The following RSF1 variants were observed in gnomAD, a reference collection of about 807,000 sequenced individuals.
RSF1 encodes the protein HBV pX-associated protein 8.
Under a neutral mutation model 145.2 loss-of-function variants are expected in RSF1, and 13 were observed. The ratio of observed to expected loss-of-function variants is 0.09; its 90% CI spans 0.06 to 0.14. The LOEUF is 0.14. RSF1 is among the 10% of genes least tolerant of loss of function. The pLI is 1.00. For synonymous variants in RSF1, 577 were observed against 592.6 expected (o/e 0.97, Z 0.38); for missense variants, 1,517 against 1,718.2 (o/e 0.88, Z 2.07).
At chr11:77,789,796 C>T (rs928617498) in intron 1 of RSF1, among the ~76,000 whole-genome samples, 13 of 152,220 alleles carry the variant, frequency 8.5e-5, no homozygotes, top group African/African-American at 3.1e-4. Flanking sequence ...GCTTCACCCC[C>T]ATTCACACCA....
intron 5 of RSF1, among the ~76,000 whole-genome samples, chr11:77,705,334 C>G (rs1488359178): frequency 6.6e-6 from 1 of 152,186 alleles, no homozygotes; most frequent in African/African-American, 2.4e-5. Context: ...CATCACATTT[C>G]TTCACAAATG....
chr11:77,863,614 C>A, the RSF1 span, among the ~76,000 whole-genome samples: 1 of 152,180 alleles, frequency 6.6e-6, no homozygotes, highest in Non-Finnish European at 1.5e-5. Flanking sequence ...GTCTTGAACT[C>A]CTGGCCTCAA....
chr11:77,799,428 G>A (rs957693514), intron 1 of RSF1, among the ~76,000 whole-genome samples: 1 of 151,416 alleles, frequency 6.6e-6, no homozygotes, highest in Non-Finnish European at 1.5e-5. Flanking sequence ...CTTGAGATCA[G>A]GAGAGGTCGA....
Position 77,672,023 on chromosome 11 carries a change from T to C in RSF1, c.3751+19A>G, listed in dbSNP as rs1289785646. 2 of 1,597,238 alleles carry C rather than the reference T, an allele frequency of 1.3e-6. No homozygotes were observed. The highest frequency in any genetic ancestry group is 1.8e-5 in the Admixed American group (1 of 56,022). ...TTTGCCCTGTCCAAACTTCTATATA[T>C]AGGAGACCTATGCCTTACCTTCACT... On this transcript the variant is annotated intron_variant, in intron 15 of 15. Coordinates refer to ENST00000308488, the MANE Select transcript of RSF1 (RefSeq NM_016578.4).
At chr11:77,695,663 AG>A (rs2135845883) in intron 7 of RSF1, among the ~76,000 whole-genome samples, 1 of 152,132 alleles carries the variant, frequency 6.6e-6, no homozygotes, top group South Asian at 2.1e-4. Flanking sequence ...CCCAAGCCTT[AG>A]AACCAACCAT....
upstream of RSF1, chr11:77,821,035 G>A: frequency 6.2e-6 from 3 of 482,294 alleles, no homozygotes; most frequent in South Asian, 3.7e-5. Context: ...GGGGCGGGGA[G>A]GCGGGCTGGA....
At chr11:77,726,135 C>A (rs916220469) in intron 4 of RSF1, among the ~76,000 whole-genome samples, 1 of 152,162 alleles carries the variant, frequency 6.6e-6, no homozygotes, top group African/African-American at 2.4e-5. Context: ...GCATTTGACA[C>A]TGCTACAAAA....
At chr11:77,868,253 C>T in the RSF1 span, among the ~76,000 whole-genome samples, 1 of 151,234 alleles carries the variant, frequency 6.6e-6, no homozygotes, top group Non-Finnish European at 1.5e-5. Flanking sequence ...GACGGGGTTT[C>T]ACCGTGTTAG....
chr11:77,722,022 T>A (rs931152199), intron 5 of RSF1, among the ~76,000 whole-genome samples: 1 of 151,800 alleles, frequency 6.6e-6, no homozygotes, highest in African/African-American at 2.4e-5. Context: ...AATTAAAAAT[T>A]AAAAAACATT....
chr11:77,741,673 A>T (rs1947940494), intron 3 of RSF1, among the ~76,000 whole-genome samples: 1 of 152,218 alleles, frequency 6.6e-6, no homozygotes, highest in Non-Finnish European at 1.5e-5. Context: ...GCTAATAAAC[A>T]CATCTACTAC....
chr11:77,762,383 C>T (rs2135936299), intron 2 of RSF1: 1 of 152,310 alleles, frequency 6.6e-6, no homozygotes, highest in East Asian at 1.9e-4. Context: ...ATTTTACCTT[C>T]CAAATAGCTC....
chr11:77,802,407 A>C (rs1948634820), intron 1 of RSF1, among the ~76,000 whole-genome samples: 1 of 152,180 alleles, frequency 6.6e-6, no homozygotes, highest in African/African-American at 2.4e-5. Context: ...AATCAAATTA[A>C]ATTTTAATAC....
In RSF1 at chr11:77,666,725, T is replaced by G. The variant is rs1274989339; in HGVS notation, c.*192A>C. On this transcript the variant is annotated 3_prime_UTR_variant, in exon 16 of 16. Coordinates refer to ENST00000308488, the MANE Select transcript of RSF1 (RefSeq NM_016578.4). Reference sequence around the variant, plus strand: ...TGGAAAAAGAAAATCAAAAGGAATTTACAGCAATTATTTATCTTCAAAGTT... The same window carrying G: ...TGGAAAAAGAAAATCAAAAGGAATTGACAGCAATTATTTATCTTCAAAGTT... 2.4e-6 allele frequency: 1 copy of G among 412,214 alleles called. No homozygotes were observed. The highest frequency in any genetic ancestry group is 2.0e-5 in the African/African-American group (1 of 48,962). The allele number at this position is 412,214 out of a possible 1,614,324, so 25.5% of individuals were successfully genotyped here.
At chr11:77,791,658 C>T (rs1226814772) in intron 1 of RSF1, among the ~76,000 whole-genome samples, 1 of 152,136 alleles carries the variant, frequency 6.6e-6, no homozygotes, top group Non-Finnish European at 1.5e-5. Context: ...AATCATTTCT[C>T]TAAAGTTCAA....
intron 1 of RSF1, among the ~76,000 whole-genome samples, chr11:77,812,114 G>A (rs1016702106): frequency 6.6e-6 from 1 of 152,132 alleles, no homozygotes; most frequent in African/African-American, 2.4e-5. Flanking sequence ...GGGAGGTAGA[G>A]GTTGCAGTCA....
chr11:77,861,653 A>C, the RSF1 span, among the ~76,000 whole-genome samples: 1 of 152,146 alleles, frequency 6.6e-6, no homozygotes, highest in Non-Finnish European at 1.5e-5. Flanking sequence ...GCTTATTTCT[A>C]TGTGGACAAT....
At chr11:77,785,291 A>G (rs886957357) in intron 1 of RSF1, among the ~76,000 whole-genome samples, 2 of 152,208 alleles carry the variant, frequency 1.3e-5, no homozygotes, top group Non-Finnish European at 2.9e-5. Flanking sequence ...AGAATTCTCA[A>G]TTTTTAAAGC....
the RSF1 span, chr11:77,850,884 T>G: frequency 6.6e-6 from 1 of 151,750 alleles, no homozygotes; most frequent in Non-Finnish European, 1.5e-5. Flanking sequence ...CCTAAGGACA[T>G]GAATATTCTC....
chr11:77,868,737 A>G, the RSF1 span: 3 of 230,300 alleles, frequency 1.3e-5, no homozygotes, highest in Non-Finnish European at 2.9e-5. Context: ...CACAGGGAAT[A>G]GGCTCCAGCA....
Sources: allele counts gnomAD v4.1 joint callset (sites outside exome capture counted in the v4.1 genomes callset), GRCh38; gene constraint gnomAD v4.1.1; transcripts MANE v1.5; gene names NCBI Gene and HGNC (gene_info 2026-07-23, HGNC 2026-07-21).